The following TTC29 variants were observed in gnomAD, a reference collection of about 807,000 sequenced individuals.
TTC29 encodes tetratricopeptide repeat domain 29.
In TTC29, 49 loss-of-function variants were observed where a neutral mutation model predicts 58.1. The ratio of observed to expected loss-of-function variants is 0.84; its 90% CI spans 0.67 to 1.07. The LOEUF (loss-of-function observed/expected upper bound fraction) is 1.07. Among genes scored for constraint, TTC29 ranks in the 50% least tolerant of loss-of-function variants. TTC29 has a pLI of 0.00. For synonymous variants in TTC29, 209 were observed against 196.8 expected (o/e 1.06, Z -0.52); for missense variants, 582 against 555.6 (o/e 1.05, Z -0.48).
chr4:146,931,987 T>G (rs536342122), intron 4 of TTC29, among the ~76,000 whole-genome samples: 212 of 152,292 alleles, frequency 1.4e-3, no homozygotes, highest in Non-Finnish European at 2.7e-3. Context: ...TTCTTCTTTC[T>G]GCTTTTTCTT....
intron 10 of TTC29, among the ~76,000 whole-genome samples, chr4:146,813,971 T>G (rs1356716394): frequency 6.6e-6 from 1 of 151,892 alleles, no homozygotes; most frequent in Non-Finnish European, 1.5e-5. Flanking sequence ...GCAACAAGAG[T>G]GAAACTCTGT....
At chr4:146,733,361 C>A (rs887966361) in intron 11 of TTC29, among the ~76,000 whole-genome samples, 1 of 151,944 alleles carries the variant, frequency 6.6e-6, no homozygotes, top group Non-Finnish European at 1.5e-5. Context: ...AGATAAAATA[C>A]ATAAATGTTT....
chr4:146,738,170 T>C lies in TTC29; in HGVS notation c.1331-30619A>G, dbSNP rs373405749. Among the ~76,000 whole-genome samples the C allele has an allele frequency of 3.3e-5, 5 of 152,198 alleles. No homozygotes were observed. The South Asian group carries it at 8.3e-4, about 25-fold the overall frequency. On this transcript the variant is annotated intron_variant, in intron 11 of 12. Coordinates refer to ENST00000325106, the MANE Select transcript of TTC29 (RefSeq NM_031956.4). ...GGACCAGCATGGCGGCAGAATCTAA[T>C]GTTCCTTTTAAAAATGAAAAAGTAG...
chr4:146,895,458 T>G (rs2150256566), intron 6 of TTC29, among the ~76,000 whole-genome samples: 1 of 152,308 alleles, frequency 6.6e-6, no homozygotes, highest in South Asian at 2.1e-4. Context: ...CTCTCCTTCA[T>G]TCTTCACTTC....
chr4:146,886,180 T>C (rs1731970198), intron 6 of TTC29, among the ~76,000 whole-genome samples: 1 of 152,152 alleles, frequency 6.6e-6, no homozygotes, highest in Non-Finnish European at 1.5e-5. Flanking sequence ...TTCAATTTAT[T>C]CAGCCACATT....
chr4:146,714,837 G>A (rs1397097658), intron 11 of TTC29, among the ~76,000 whole-genome samples: 5 of 152,130 alleles, frequency 3.3e-5, no homozygotes, highest in Non-Finnish European at 7.4e-5. Context: ...TTGCACAAAG[G>A]TGAGAAGGGG....
chr4:146,818,448 A>G (rs1270789728), intron 10 of TTC29, among the ~76,000 whole-genome samples: 2 of 152,138 alleles, frequency 1.3e-5, no homozygotes, highest in East Asian at 1.9e-4. Flanking sequence ...GTGCTGGAGA[A>G]GATGTGGAGA....
At chr4:146,784,997 G>C (rs1363600926) in intron 11 of TTC29, among the ~76,000 whole-genome samples, 2 of 152,050 alleles carry the variant, frequency 1.3e-5, no homozygotes, top group Non-Finnish European at 2.9e-5. Context: ...ATAGTAAGAG[G>C]CTATTGAGTT....
chr4:146,764,646 A>G (rs968368658), intron 11 of TTC29, among the ~76,000 whole-genome samples: 2 of 152,124 alleles, frequency 1.3e-5, no homozygotes, highest in African/African-American at 2.4e-5. Context: ...ATGTTCGAAC[A>G]TAGGTATCAT....
At chr4:146,851,403 A>G (rs1209618702) in intron 8 of TTC29, among the ~76,000 whole-genome samples, 1 of 152,198 alleles carries the variant, frequency 6.6e-6, no homozygotes, top group Admixed American at 6.5e-5. Flanking sequence ...GATCAAAATC[A>G]TATTGTGACA....
At chr4:146,750,381 C>T (rs1409520194) in intron 11 of TTC29, among the ~76,000 whole-genome samples, 2 of 152,156 alleles carry the variant, frequency 1.3e-5, no homozygotes, top group African/African-American at 2.4e-5. Flanking sequence ...ATCATTAATA[C>T]ATTTAAAAAC....
chr4:146,909,095 C>G lies in TTC29; in HGVS notation c.331G>C (p.Glu111Gln), dbSNP rs756698953. 7 of 1,613,870 alleles carry G rather than the reference C, an allele frequency of 4.3e-6. No individual in the cohort carries two copies. Among genetic ancestry groups the G allele is most frequent in the Non-Finnish European group, 5.9e-6 (7 of 1,179,828 alleles). ...TAATCCAGTTTATCAGGCTGCTCCT[C>G]CAGGGGCTTCTGCAGCCAGAAGAGG... ...RSLFWLQKPLEEQPDKLDYLY... is the reference protein window; with the variant it reads ...RSLFWLQKPLQEQPDKLDYLY... Residue 111 changes from glutamate (E) to glutamine (Q), a missense_variant, in exon 5 of 13, where the codon GAG (glutamate) becomes CAG (glutamine). Glu to Gln is a conservative substitution (Grantham distance 29). Transcript: ENST00000325106.
At chr4:146,821,422 C>A (rs1452683680) in intron 9 of TTC29, among the ~76,000 whole-genome samples, 3 of 152,014 alleles carry the variant, frequency 2.0e-5, no homozygotes, top group Admixed American at 2.0e-4. Context: ...AATTATGTCT[C>A]ACTAAAGCTG....
At chr4:146,712,000 C>T (rs1178747547) in intron 11 of TTC29, among the ~76,000 whole-genome samples, 1 of 151,562 alleles carries the variant, frequency 6.6e-6, no homozygotes, top group Admixed American at 6.6e-5. Context: ...TGAGAAAATC[C>T]CTTCCAATAA....
At chr4:146,729,973 G>T (rs1744208124) in intron 11 of TTC29, among the ~76,000 whole-genome samples, 1 of 151,686 alleles carries the variant, frequency 6.6e-6, no homozygotes, top group Non-Finnish European at 1.5e-5. Flanking sequence ...CATATTAGGT[G>T]GGATTGACAC....
At chr4:146,785,973 GTA>G (rs1748981158) in intron 11 of TTC29, among the ~76,000 whole-genome samples, 1 of 142,300 alleles carries the variant, frequency 7.0e-6, no homozygotes, top group African/African-American at 2.5e-5. Context: ...TATATCTACA[GTA>G]TATATGTGTA....
intron 8 of TTC29, among the ~76,000 whole-genome samples, chr4:146,843,648 A>G (rs1458854815): frequency 2.0e-5 from 3 of 152,126 alleles, no homozygotes; most frequent in African/African-American, 7.2e-5. Context: ...TAGATGATGG[A>G]GATGAATCAA....
At chr4:146,713,194 G>A (rs1305005977) in intron 11 of TTC29, among the ~76,000 whole-genome samples, 1 of 151,282 alleles carries the variant, frequency 6.6e-6, no homozygotes, top group African/African-American at 2.4e-5. Flanking sequence ...AAATGCAAAT[G>A]TTTTCCTTTA....
chr4:146,730,195 A>T (rs566921263), intron 11 of TTC29, among the ~76,000 whole-genome samples: 18 of 152,046 alleles, frequency 1.2e-4, no homozygotes, highest in Admixed American at 3.9e-4. Context: ...TTCTTTCTCT[A>T]TAATAATGTT....
Sources: allele counts gnomAD v4.1 joint callset (sites outside exome capture counted in the v4.1 genomes callset), GRCh38; gene constraint gnomAD v4.1.1; transcripts MANE v1.5; gene names NCBI Gene and HGNC (gene_info 2026-07-23, HGNC 2026-07-21).